Variants in TNFAIP8 observed in about 807,000 individuals in gnomAD.
TNFAIP8 encodes tumor necrosis factor alpha-induced protein 8.
Under a neutral mutation model 13.3 loss-of-function variants are expected in TNFAIP8, and 7 were observed. The observed-to-expected ratio is 0.52, with a 90% confidence interval of 0.30 to 0.99. The LOEUF is 0.99. Ranked by LOEUF, TNFAIP8 falls within the 50% of genes least tolerant of loss-of-function variation. TNFAIP8 has a pLI of 0.07. For missense variants in TNFAIP8, 258 were observed against 236.9 expected (o/e 1.09, Z -0.58); for synonymous variants, 94 against 87.6 (o/e 1.07, Z -0.41).
At chr5:119,297,321 G>A (rs982291413) in intron 1 of TNFAIP8, among the ~76,000 whole-genome samples, 6 of 151,970 alleles carry the variant, frequency 3.9e-5, no homozygotes, top group Non-Finnish European at 7.4e-5. Context: ...GTTCTCGTTG[G>A]TTTCAAAGAA....
At chr5:119,321,665 G>T (rs114311119) in intron 1 of TNFAIP8, among the ~76,000 whole-genome samples, 1 of 152,014 alleles carries the variant, frequency 6.6e-6, no homozygotes. Flanking sequence ...TAGCAAATAC[G>T]CACATCCTAA....
rs1753015876 is a variant in TNFAIP8 at position 119,394,365 on chromosome 5, A to C, written c.*984A>C. On this transcript the variant is annotated 3_prime_UTR_variant, in exon 2 of 2. Coordinates refer to ENST00000504771, the MANE Select transcript of TNFAIP8 (RefSeq NM_014350.4). ...CAGTGTTTAAGAAGGCTTGATAAAG[A>C]ATGTCACTTTTTTATTTAACTGATA... is the stretch of plus-strand genomic sequence containing the variant. 6.6e-6 allele frequency: 1 copy of C among 152,200 alleles called. No homozygotes were observed. Among genetic ancestry groups the C allele is most frequent in the Non-Finnish European group, 1.5e-5 (1 of 68,050 alleles). The allele number at this position is 152,200 out of a possible 1,614,324, so 9.4% of individuals were successfully genotyped here.
chr5:119,390,087 A>G (rs1449267692), intron 1 of TNFAIP8, among the ~76,000 whole-genome samples: 1 of 152,238 alleles, frequency 6.6e-6, no homozygotes. Context: ...GAGAAATCTT[A>G]TGAATACCTC....
Position 119,313,681 on chromosome 5 carries a change from C to T in TNFAIP8, c.1+44774C>T, listed in dbSNP as rs1581596605. ...TTCATGGAAGTACAAATTATGTGTGCTTATTTTAAATTCTGGGACTGGTAT... is the reference window on the plus strand; with the variant it reads ...TTCATGGAAGTACAAATTATGTGTGTTTATTTTAAATTCTGGGACTGGTAT... On this transcript the variant is annotated intron_variant, in intron 1 of 1. Coordinates refer to the TNFAIP8 transcript ENST00000274456. 3.3e-5 allele frequency among the ~76,000 whole-genome samples: 5 copies of T among 152,250 alleles called. 1 individual carries two copies. In the South Asian group the frequency reaches 1.0e-3, roughly 32 times the overall value.
At chr5:119,288,072 G>A (rs1304007698) in intron 1 of TNFAIP8, among the ~76,000 whole-genome samples, 1 of 152,116 alleles carries the variant, frequency 6.6e-6, no homozygotes, top group East Asian at 1.9e-4. Flanking sequence ...CCCAGCAAAA[G>A]TAAAGGAAAT....
At chr5:119,339,710 A>G (rs3813304) in intron 1 of TNFAIP8, among the ~76,000 whole-genome samples, 14,862 of 152,136 alleles carry the variant, frequency 0.098, 954 homozygotes, top group African/African-American at 0.19. Flanking sequence ...AATAAGAAGT[A>G]GAGCAAATTA....
At chr5:119,372,466 A>G (rs1752117729) in intron 1 of TNFAIP8, among the ~76,000 whole-genome samples, 1 of 152,212 alleles carries the variant, frequency 6.6e-6, no homozygotes, top group East Asian at 1.9e-4. Flanking sequence ...GATCAATAAT[A>G]TAATATTTTC....
At chr5:119,358,159 G>A (rs1751505878) in intron 1 of TNFAIP8, among the ~76,000 whole-genome samples, 1 of 147,932 alleles carries the variant, frequency 6.8e-6, no homozygotes. Context: ...AGATCACCAT[G>A]AGTTCTTAAG....
chr5:119,286,199 T>G (rs1308266888), intron 1 of TNFAIP8, among the ~76,000 whole-genome samples: 1 of 152,204 alleles, frequency 6.6e-6, no homozygotes, highest in Non-Finnish European at 1.5e-5. Flanking sequence ...CTGGAAACTC[T>G]TCAGGCTCCC....
At chr5:119,363,310 A>G (rs1422023903) in intron 1 of TNFAIP8, among the ~76,000 whole-genome samples, 1 of 152,212 alleles carries the variant, frequency 6.6e-6, no homozygotes, top group African/African-American at 2.4e-5. Flanking sequence ...ATATATCATC[A>G]GTATTCAGTT....
At chr5:119,330,224 C>T (rs1038862034) in intron 1 of TNFAIP8, among the ~76,000 whole-genome samples, 1 of 152,094 alleles carries the variant, frequency 6.6e-6, no homozygotes, top group African/African-American at 2.4e-5. Flanking sequence ...GCAGCCATGG[C>T]ATTAAGCACT....
intron 1 of TNFAIP8, among the ~76,000 whole-genome samples, chr5:119,281,495 GA>G (rs970629498): frequency 2.0e-5 from 3 of 152,030 alleles, no homozygotes; most frequent in African/African-American, 7.2e-5. Flanking sequence ...AAGGGAAATA[GA>G]CTATTGTGTA....
At chr5:119,293,103 A>C (rs72786118) in intron 1 of TNFAIP8, among the ~76,000 whole-genome samples, 1 of 152,106 alleles carries the variant, frequency 6.6e-6, no homozygotes, top group African/African-American at 2.4e-5. Flanking sequence ...CTGTATATAC[A>C]TGTGTGTACA....
chr5:119,376,811 T>C (rs908259784), intron 1 of TNFAIP8, among the ~76,000 whole-genome samples: 1 of 152,154 alleles, frequency 6.6e-6, no homozygotes, highest in African/African-American at 2.4e-5. Flanking sequence ...GAAGGTGATA[T>C]TTGGGAGGGA....
At chr5:119,313,807 G>A (rs931287033) in intron 1 of TNFAIP8, among the ~76,000 whole-genome samples, 11 of 152,180 alleles carry the variant, frequency 7.2e-5, no homozygotes, top group Non-Finnish European at 2.9e-5. Flanking sequence ...GAGCAACAAG[G>A]CTCAAGCACA....
chr5:119,366,408 T>C (rs1266522178), intron 1 of TNFAIP8, among the ~76,000 whole-genome samples: 4 of 152,106 alleles, frequency 2.6e-5, no homozygotes, highest in Non-Finnish European at 5.9e-5. Flanking sequence ...AACAAGGATG[T>C]GACATTGAGG....
intron 1 of TNFAIP8, among the ~76,000 whole-genome samples, chr5:119,357,678 G>A (rs1751482860): frequency 6.6e-6 from 1 of 151,702 alleles, no homozygotes; most frequent in African/African-American, 2.4e-5. Context: ...CCTATGAAGA[G>A]GTTAATGGGG....
chr5:119,316,728 C>A (rs1204314759), intron 1 of TNFAIP8, among the ~76,000 whole-genome samples: 1 of 152,172 alleles, frequency 6.6e-6, no homozygotes, highest in Non-Finnish European at 1.5e-5. Context: ...TTTTTAAAAC[C>A]TCCTCAGATG....
chr5:119,349,719 T>C (rs113179183), intron 1 of TNFAIP8, among the ~76,000 whole-genome samples: 10 of 152,276 alleles, frequency 6.6e-5, no homozygotes, highest in African/African-American at 2.4e-4. Flanking sequence ...ATTTATAGCA[T>C]ATTTAAAGCA....
Sources: allele counts gnomAD v4.1 joint callset (sites outside exome capture counted in the v4.1 genomes callset), GRCh38; gene constraint gnomAD v4.1.1; transcripts MANE v1.5; gene names NCBI Gene and HGNC (gene_info 2026-07-23, HGNC 2026-07-21).